Variants in ARHGEF10 observed in about 807,000 individuals in gnomAD.
ARHGEF10 encodes Rho guanine nucleotide exchange factor 10.
A neutral mutation model predicts 147.4 loss-of-function variants in ARHGEF10; 140 were observed. The ratio of observed to expected loss-of-function variants is 0.95; its 90% CI spans 0.83 to 1.09. The LOEUF is 1.09. ARHGEF10 is among the 50% of genes least tolerant of loss of function. ARHGEF10 has a pLI of 0.00. For missense variants in ARHGEF10, 2,222 were observed against 1,752.7 expected (o/e 1.27, Z -4.78); for synonymous variants, 902 against 695.8 (o/e 1.30, Z -4.67).
At chr8:1,832,560 A>G (rs1803208741) in intron 1 of ARHGEF10, among the ~76,000 whole-genome samples, 2 of 150,580 alleles carry the variant, frequency 1.3e-5, no homozygotes, top group South Asian at 4.2e-4. Flanking sequence ...AGACAGAGAG[A>G]GACAGAGGCA....
intron 4 of ARHGEF10, among the ~76,000 whole-genome samples, chr8:1,863,438 G>A (rs1806317488): frequency 6.6e-6 from 1 of 152,232 alleles, no homozygotes; most frequent in South Asian, 2.1e-4. Flanking sequence ...GTTGAGAACT[G>A]TTGCTCATTC....
At chr8:1,898,356 TG>T (rs1263946702) in intron 14 of ARHGEF10, 76 bp from the exon 15 acceptor site, 75 of 1,275,794 alleles carry the variant, frequency 5.9e-5, no homozygotes, top group Non-Finnish European at 5.6e-5. Context: ...TTCAGTGTGG[TG>T]GGGAGGAGGC....
Position 1,920,768 on chromosome 8 carries a change from A to G in ARHGEF10, c.2144-2196A>G, listed in dbSNP as rs1173919404. Among the ~76,000 whole-genome samples, 12 of 151,198 alleles carry G rather than the reference A, an allele frequency of 7.9e-5. No homozygotes were observed. The East Asian group carries it at 2.2e-3, about 27-fold the overall frequency. The stretch of plus-strand genomic sequence containing the variant: ...AGTTGCGATGTGTAACTACTGGATC[A>G]GTTTGCTCTTTCGTTTTTTTTTGTT... On this transcript the variant is annotated intron_variant, in intron 18 of 28. Transcript: ENST00000349830.
At chr8:1,874,601 G>T (rs1807485869) in intron 7 of ARHGEF10, among the ~76,000 whole-genome samples, 1 of 152,236 alleles carries the variant, frequency 6.6e-6, no homozygotes, top group Non-Finnish European at 1.5e-5. Flanking sequence ...ATACATACCG[G>T]GGTGTGTAGC....
Position 1,887,090 on chromosome 8 carries a change from C to T in ARHGEF10, c.1182+1383C>T, listed in dbSNP as rs1422083532. 3.3e-5 allele frequency among the ~76,000 whole-genome samples: 5 copies of T among 152,322 alleles called. No homozygotes were observed. The East Asian group carries it at 9.7e-4, about 29-fold the overall frequency. ...TCAATAGGATGACACGCTGGCCAGTCCTCTACTATCTGGGGCCCTCACTGC... is the reference window on the plus strand; with the variant it reads ...TCAATAGGATGACACGCTGGCCAGTTCTCTACTATCTGGGGCCCTCACTGC... On this transcript the variant is annotated intron_variant, in intron 11 of 28. Transcript: ENST00000349830.
At chr8:1,900,507 C>T (rs73671033) in intron 15 of ARHGEF10, among the ~76,000 whole-genome samples, 3,320 of 152,280 alleles carry the variant, frequency 0.022, 119 homozygotes, top group African/African-American at 0.074. Context: ...ACACTGTCCA[C>T]ACCCCAAAAG....
At chr8:1,932,478 C>T in intron 25 of ARHGEF10, among the ~76,000 whole-genome samples, 1 of 151,404 alleles carries the variant, frequency 6.6e-6, no homozygotes, top group Middle Eastern at 3.4e-3. Flanking sequence ...ATGTGTGTGA[C>T]ATGTGCACGT....
At chr8:1,908,802 G>A (rs35258294) in intron 17 of ARHGEF10, among the ~76,000 whole-genome samples, 2,352 of 151,364 alleles carry the variant, frequency 0.016, 19 homozygotes, top group African/African-American at 0.027. Context: ...GTTTTTTTTC[G>A]GTTCAATTTC....
intron 1 of ARHGEF10, among the ~76,000 whole-genome samples, chr8:1,839,945 A>G (rs1242281911): frequency 1.2e-3 from 81 of 68,716 alleles, no homozygotes; most frequent in South Asian, 2.9e-3. Context: ...TGGTGTGGGG[A>G]CTGTCCGGTG....
chr8:1,910,093 T>TA (rs890778598), intron 18 of ARHGEF10, among the ~76,000 whole-genome samples: 53 of 150,396 alleles, frequency 3.5e-4, no homozygotes, highest in African/African-American at 8.8e-4. Flanking sequence ...TCTTCATTAT[T>TA]AAAAAAAAAA....
chr8:1,938,269 C>T (rs774610670), intron 26 of ARHGEF10, among the ~76,000 whole-genome samples: 12 of 152,308 alleles, frequency 7.9e-5, no homozygotes, highest in African/African-American at 2.4e-4. Flanking sequence ...TGACGTCTGA[C>T]GTTTAGGAAA....
intron 18 of ARHGEF10, among the ~76,000 whole-genome samples, chr8:1,920,960 A>G (rs770542643): frequency 6.6e-6 from 1 of 152,008 alleles, no homozygotes; most frequent in Non-Finnish European, 1.5e-5. Flanking sequence ...CTAATTTTGT[A>G]TTTTTAGTAG....
chr8:1,864,424 A>G lies in ARHGEF10; in HGVS notation c.533A>G (p.Glu178Gly), dbSNP rs573762825. ...CAGCCCAATTCTCTGAGTTCCGAGG[A>G]GCCTCCAACCAGGTATCTGCATCCG... ...DRQPNSLSSE[E>G]PPTSEDQVGR... is the part of the protein sequence containing the mutation. Residue 178 changes from glutamate to glycine, a missense_variant, in exon 5 of 29, where the codon GAG becomes GGG. Transcript: ENST00000349830. The G allele has an allele frequency of 6.8e-6, 11 of 1,614,080 alleles. No homozygotes were observed. The African/African-American group carries it at 1.3e-4, about 20-fold the overall frequency.
At chr8:1,947,397 C>T (rs1320971113) in intron 27 of ARHGEF10, among the ~76,000 whole-genome samples, 2 of 152,214 alleles carry the variant, frequency 1.3e-5, no homozygotes, top group Non-Finnish European at 2.9e-5. Flanking sequence ...TGCAGCGGCC[C>T]TGCAGGATCC....
intron 18 of ARHGEF10, among the ~76,000 whole-genome samples, chr8:1,922,470 C>G (rs962041917): frequency 5.3e-5 from 8 of 152,114 alleles, no homozygotes; most frequent in Non-Finnish European, 5.9e-5. Context: ...TTTAACTCAC[C>G]AGCATCCTCC....
intron 18 of ARHGEF10, among the ~76,000 whole-genome samples, chr8:1,922,603 A>T (rs899962561): frequency 1.3e-5 from 2 of 152,148 alleles, no homozygotes; most frequent in African/African-American, 4.8e-5. Context: ...AGGAAATGAC[A>T]TTCATGTGAA....
At chr8:1,825,130 C>T (rs1411045090) in intron 1 of ARHGEF10, among the ~76,000 whole-genome samples, 1 of 922 alleles carries the variant, frequency 1.1e-3, no homozygotes, top group Non-Finnish European at 1.7e-3. Context: ...CCTGTCCCCC[C>T]GCACCCCACC....
intron 1 of ARHGEF10, among the ~76,000 whole-genome samples, chr8:1,832,615 CAGAGGCAG>C (rs2129037015): frequency 1.0e-5 from 1 of 97,682 alleles, no homozygotes; most frequent in African/African-American, 5.0e-5. Context: ...GAGGCAGAGA[CAGAGGCAG>C]AGAGAGACAG....
chr8:1,832,939 GAA>G lies in ARHGEF10; in HGVS notation c.-48+8827_-48+8828del, dbSNP rs1448773282. On this transcript the variant is annotated intron_variant, in intron 1 of 28. Transcript: ENST00000349830. ...AGAGGCAGAGACAGAGGCAGAGACA[GAA>G]GCAGAGACAGAGGCAGAGGCAGATA... Among the ~76,000 whole-genome samples, 57 of 53,266 alleles carry G rather than the reference GAA, an allele frequency of 1.1e-3. 8 individuals carry two copies. Among genetic ancestry groups the G allele is most frequent in the Admixed American group, 1.6e-3 (9 of 5,490 alleles). 34.9% of individuals were successfully genotyped at this position (53,266 alleles called of 152,430 possible).
Sources: gnomAD v4.1 joint callset for allele counts (sites outside exome capture counted in the v4.1 genomes callset) on GRCh38, gnomAD v4.1.1 for gene constraint, MANE v1.5 for transcripts, NCBI Gene and HGNC (gene_info 2026-07-23, HGNC 2026-07-21) for gene names.